Variants in SIK3 observed in about 807,000 individuals in gnomAD.
The protein encoded by SIK3 is serine/threonine-protein kinase SIK3.
Under a neutral mutation model 144.2 loss-of-function variants are expected in SIK3, and 28 were observed. That is an observed-to-expected ratio of 0.19 (90% CI 0.14 to 0.27). The LOEUF is 0.27. Among genes scored for constraint, SIK3 ranks in the 10% least tolerant of loss-of-function variants. The pLI, the probability that SIK3 is intolerant of heterozygous loss-of-function variation, is 1.00. For missense variants in SIK3, 1,319 were observed against 1,776.0 expected, an observed-to-expected ratio of 0.74 and a Z score of 4.62; for synonymous variants, 686 against 676.3, an observed-to-expected ratio of 1.01 and a Z score of -0.22.
chr11:116,892,054 T>C (rs772616803), intron 6 of SIK3, among the ~76,000 whole-genome samples: 2 of 152,174 alleles, frequency 1.3e-5, no homozygotes, highest in Non-Finnish European at 2.9e-5. Context: ...TATGTCTCCA[T>C]TGATCTGACT....
At chr11:116,935,364 T>C (rs758286221) in intron 3 of SIK3, among the ~76,000 whole-genome samples, 3 of 152,024 alleles carry the variant, frequency 2.0e-5, no homozygotes, top group Non-Finnish European at 4.4e-5. Context: ...TATAAGCTTT[T>C]ACAAAAACAC....
At chr11:116,904,224 T>C (rs1945895846) in intron 4 of SIK3, among the ~76,000 whole-genome samples, 1 of 151,896 alleles carries the variant, frequency 6.6e-6, no homozygotes, top group South Asian at 2.1e-4. Flanking sequence ...GGAGAGGCAA[T>C]GAAGGAAGGT....
chr11:117,021,959 A>AAAAAAAAAAAAC (rs1565565812), intron 1 of SIK3, among the ~76,000 whole-genome samples: 4 of 141,554 alleles, frequency 2.8e-5, no homozygotes, highest in African/African-American at 1.1e-4. Context: ...AAAAAAAAAA[A>AAAAAAAAAAAAC]AACCTAAAAA....
At chr11:116,968,867 C>T (rs1949658954) in intron 1 of SIK3, among the ~76,000 whole-genome samples, 1 of 152,042 alleles carries the variant, frequency 6.6e-6, no homozygotes, top group Admixed American at 6.6e-5. Context: ...TAAGTAAAAC[C>T]CAACTATTAT....
At chr11:116,852,092 C>T (rs1046017279) in intron 21 of SIK3, among the ~76,000 whole-genome samples, 1 of 152,204 alleles carries the variant, frequency 6.6e-6, no homozygotes, top group African/African-American at 2.4e-5. Flanking sequence ...TTTAAAACAT[C>T]ATTACTAACC....
intron 4 of SIK3, among the ~76,000 whole-genome samples, chr11:116,918,691 T>C (rs1044575451): frequency 6.6e-6 from 1 of 152,144 alleles, no homozygotes; most frequent in Non-Finnish European, 1.5e-5. Flanking sequence ...CACTTCAGTG[T>C]TCCAAGATAT....
chr11:117,006,162 G>A (rs1034249936), intron 1 of SIK3, among the ~76,000 whole-genome samples: 4 of 152,194 alleles, frequency 2.6e-5, no homozygotes, highest in Middle Eastern at 3.2e-3. Context: ...CTTTGGCACA[G>A]CAGGGTTAAG....
At chr11:116,848,309 T>C (rs1005314925) in intron 22 of SIK3, among the ~76,000 whole-genome samples, 1 of 152,168 alleles carries the variant, frequency 6.6e-6, no homozygotes, top group Admixed American at 6.5e-5. Flanking sequence ...ATTGCGCCAC[T>C]GCACTCCAAC....
intron 1 of SIK3, among the ~76,000 whole-genome samples, chr11:117,059,194 T>C (rs1245295936): frequency 6.6e-6 from 1 of 152,134 alleles, no homozygotes; most frequent in African/African-American, 2.4e-5. Context: ...GAAGAACAGA[T>C]AGCTGGGAGA....
intron 1 of SIK3, among the ~76,000 whole-genome samples, chr11:117,059,375 T>C (rs1267238780): frequency 6.6e-6 from 1 of 152,140 alleles, no homozygotes; most frequent in Admixed American, 6.6e-5. Flanking sequence ...TTATATGGAA[T>C]AAAACAGGAT....
At chr11:116,924,513 G>T (rs1947169304) in intron 4 of SIK3, among the ~76,000 whole-genome samples, 1 of 152,072 alleles carries the variant, frequency 6.6e-6, no homozygotes, top group African/African-American at 2.4e-5. Context: ...ATACTACTAA[G>T]AATGAACAAC....
chr11:117,035,565 G>A (rs190310846), intron 1 of SIK3, among the ~76,000 whole-genome samples: 71 of 152,168 alleles, frequency 4.7e-4, no homozygotes, highest in African/African-American at 1.6e-3. Flanking sequence ...GCAGATAAAA[G>A]TAACTACCTA....
chr11:116,936,184 T>TTTTGAGACAGAG (rs1947909526), intron 3 of SIK3, among the ~76,000 whole-genome samples: 1 of 152,200 alleles, frequency 6.6e-6, no homozygotes, highest in Non-Finnish European at 1.5e-5. Flanking sequence ...TTCTCTTTGT[T>TTTTGAGACAGAG]TGTTTGCATT....
chr11:116,954,800 A>G (rs1949079067), intron 2 of SIK3, among the ~76,000 whole-genome samples: 1 of 152,208 alleles, frequency 6.6e-6, no homozygotes, highest in South Asian at 2.1e-4. Context: ...CTCATTATAA[A>G]ACAAAAGACC....
Position 117,002,722 on chromosome 11 carries a change from T to A in SIK3, c.274-45658A>T, listed in dbSNP as rs564296159. Reference sequence around the variant, plus strand: ...GTATGAAGTAGAATTTTTAATATAATAAAATGCTTGTCACTAGCAGTTCTT... The same window carrying A: ...GTATGAAGTAGAATTTTTAATATAAAAAAATGCTTGTCACTAGCAGTTCTT... On this transcript the variant is annotated intron_variant, in intron 1 of 24. Coordinates refer to ENST00000445177, the MANE Select transcript of SIK3 (RefSeq NM_001366686.3). Among the ~76,000 whole-genome samples the A allele has an allele frequency of 6.9e-4, 105 of 152,200 alleles. 2 individuals are homozygous for A. The highest frequency in any genetic ancestry group is 1.3e-3 in the Non-Finnish European group (87 of 68,028).
chr11:117,025,323 G>A (rs1951963450), intron 1 of SIK3, among the ~76,000 whole-genome samples: 1 of 152,154 alleles, frequency 6.6e-6, no homozygotes, highest in Admixed American at 6.5e-5. Context: ...ATGACTGAAA[G>A]GAAAGTGATA....
intron 3 of SIK3, among the ~76,000 whole-genome samples, chr11:116,929,754 C>T (rs1213550545): frequency 2.0e-5 from 3 of 152,168 alleles, no homozygotes; most frequent in African/African-American, 7.2e-5. Flanking sequence ...GAGTATCATA[C>T]GTTAAAACTT....
chr11:116,921,795 A>G (rs1330057555), intron 4 of SIK3, among the ~76,000 whole-genome samples: 1 of 152,236 alleles, frequency 6.6e-6, no homozygotes, highest in East Asian at 1.9e-4. Context: ...TGTTACTAAT[A>G]ATTCTAAAAC....
chr11:116,899,670 G>A lies in SIK3; in HGVS notation c.617-2353C>T, dbSNP rs1414763388. On this transcript the variant is annotated intron_variant, in intron 4 of 24. Transcript: ENST00000445177. Reference sequence around the variant, plus strand: ...TGCTACAAGACGCAGCAGATGGGAGGTAGCAGGGATGAGTCTTCAGGAGCT... The same window carrying A: ...TGCTACAAGACGCAGCAGATGGGAGATAGCAGGGATGAGTCTTCAGGAGCT... Among the ~76,000 whole-genome samples, 9 of 152,260 alleles carry A rather than the reference G, an allele frequency of 5.9e-5. No individual in the cohort carries two copies. The East Asian group carries it at 1.5e-3, about 26-fold the overall frequency.
Sources: gnomAD v4.1 joint callset for allele counts (sites outside exome capture counted in the v4.1 genomes callset) on GRCh38, gnomAD v4.1.1 for gene constraint, MANE v1.5 for transcripts, NCBI Gene and HGNC (gene_info 2026-07-23, HGNC 2026-07-21) for gene names.